HS6ST3: variants seen among roughly 807,000 people sequenced by gnomAD.
HS6ST3 encodes the protein heparan sulfate 6-O-sulfotransferase 3.
Under a neutral mutation model 36.7 loss-of-function variants are expected in HS6ST3, and 12 were observed. That is an observed-to-expected ratio of 0.33 (90% CI 0.21 to 0.53). HS6ST3 has a LOEUF of 0.53. HS6ST3 is among the 20% of genes least tolerant of loss of function. The pLI is 0.95. For missense variants in HS6ST3, 584 were observed against 640.9 expected, an observed-to-expected ratio of 0.91 and a Z score of 0.96; for synonymous variants, 240 against 257.5, an observed-to-expected ratio of 0.93 and a Z score of 0.65.
At chr13:96,832,387 G>A (rs891184018) in intron 1 of HS6ST3, 103 bp from the exon 2 acceptor site, 1 of 786,046 alleles carries the variant, frequency 1.3e-6, no homozygotes, top group Middle Eastern at 3.7e-4. Context: ...ATGAACATTT[G>A]GCAAAGAGTC....
chr13:96,766,917 G>A (rs1022578604), intron 1 of HS6ST3, among the ~76,000 whole-genome samples: 15 of 152,198 alleles, frequency 9.9e-5, no homozygotes, highest in Non-Finnish European at 1.6e-4. Context: ...CATTCTGAGG[G>A]TAGTTTGCTT....
chr13:96,701,927 A>T (rs1875299075), intron 1 of HS6ST3, among the ~76,000 whole-genome samples: 1 of 152,204 alleles, frequency 6.6e-6, no homozygotes, highest in Non-Finnish European at 1.5e-5. Context: ...ATGCCACTGC[A>T]CTGCAGCCTA....
chr13:96,265,034 A>G (rs150195659), intron 1 of HS6ST3, among the ~76,000 whole-genome samples: 6 of 152,300 alleles, frequency 3.9e-5, no homozygotes, highest in African/African-American at 1.4e-4. Context: ...GGGGTCTTAG[A>G]GTCCAACTTA....
At chr13:96,154,649 G>A (rs2139325237) in intron 1 of HS6ST3, among the ~76,000 whole-genome samples, 1 of 152,120 alleles carries the variant, frequency 6.6e-6, no homozygotes, top group East Asian at 1.9e-4. Flanking sequence ...ATGAACAGAT[G>A]ACTCACAAAG....
intron 1 of HS6ST3, among the ~76,000 whole-genome samples, chr13:96,146,677 ACTCTTATGTCAGC>A: frequency 6.6e-6 from 1 of 151,950 alleles, no homozygotes; most frequent in Admixed American, 6.6e-5. Flanking sequence ...GTTTTCTTGG[ACTCTTATGTCAGC>A]CTGTAAGAAA....
chr13:96,206,862 G>C (rs1566287649), intron 1 of HS6ST3, among the ~76,000 whole-genome samples: 1 of 152,052 alleles, frequency 6.6e-6, no homozygotes, highest in Non-Finnish European at 1.5e-5. Context: ...AATCCTAGAA[G>C]AAAATCTAGG....
At chr13:96,275,469 A>G (rs1346110350) in intron 1 of HS6ST3, among the ~76,000 whole-genome samples, 2 of 152,180 alleles carry the variant, frequency 1.3e-5, no homozygotes, top group African/African-American at 2.4e-5. Flanking sequence ...AGCAACCGGC[A>G]GTGCATTTTC....
chr13:96,162,432 A>G (rs972871103), intron 1 of HS6ST3, among the ~76,000 whole-genome samples: 2 of 152,200 alleles, frequency 1.3e-5, no homozygotes, highest in African/African-American at 4.8e-5. Flanking sequence ...GGAAGAAAAA[A>G]ATTTGTGGGC....
intron 1 of HS6ST3, among the ~76,000 whole-genome samples, chr13:96,121,836 A>G (rs2053926882): frequency 6.6e-6 from 1 of 152,146 alleles, no homozygotes; most frequent in African/African-American, 2.4e-5. Flanking sequence ...ACAATATTAC[A>G]TGTTACTCCA....
chr13:96,252,324 C>T (rs1250534731), intron 1 of HS6ST3, among the ~76,000 whole-genome samples: 1 of 152,152 alleles, frequency 6.6e-6, no homozygotes, highest in Non-Finnish European at 1.5e-5. Context: ...GGAGTCATTT[C>T]CTCTAGTCTT....
At position 96,168,708 on chromosome 13, in the gene HS6ST3, T is replaced by A. The variant is rs372981239; in HGVS notation, c.707+77139T>A. Among the ~76,000 whole-genome samples, 405 of 123,810 alleles carry A rather than the reference T, an allele frequency of 3.3e-3. 5 individuals are homozygous for A. The highest frequency in any genetic ancestry group is 0.011 in the African/African-American group (356 of 33,150). 81.2% of individuals were successfully genotyped at this position (123,810 alleles called of 152,430 possible). A position where few individuals can be genotyped will look rare whatever the true frequency, so the allele number is the denominator to read the frequency against. ...GAGTGAGACCAAAAAAAAAAAAAAA[T>A]TACTATTTTAGAATAGAGAGCAGAA... On this transcript the variant is annotated intron_variant, in intron 1 of 1. Coordinates refer to ENST00000376705, the MANE Select transcript of HS6ST3 (RefSeq NM_153456.4).
In HS6ST3 at chr13:96,836,217, C is replaced by T. The variant is rs1447597585; in HGVS notation, c.*3019C>T. The T allele has an allele frequency of 6.6e-6, 1 of 152,174 alleles. No homozygotes were observed. Among genetic ancestry groups the T allele is most frequent in the Non-Finnish European group, 1.5e-5 (1 of 68,040 alleles). The allele number at this position is 152,174 out of a possible 1,614,324, so 9.4% of individuals were successfully genotyped here. On this transcript the variant is annotated 3_prime_UTR_variant, in exon 2 of 2. Transcript: ENST00000376705. ...AAGACAAAAAAGAAAAAAACAATCC[C>T]CAGGGGTTCTATGACCCTATTGACT...
At chr13:96,543,924 C>A (rs540561630) in intron 1 of HS6ST3, among the ~76,000 whole-genome samples, 1 of 150,886 alleles carries the variant, frequency 6.6e-6, no homozygotes, top group Non-Finnish European at 1.5e-5. Flanking sequence ...TGATGTGTTT[C>A]AACCATGGAT....
intron 1 of HS6ST3, among the ~76,000 whole-genome samples, chr13:96,112,478 A>G (rs1000569116): frequency 1.3e-5 from 2 of 150,446 alleles, no homozygotes; most frequent in African/African-American, 4.9e-5. Context: ...CACACCTGTA[A>G]TCCCAGCACT....
chr13:96,696,674 C>T (rs1214371654), intron 1 of HS6ST3, among the ~76,000 whole-genome samples: 1 of 152,124 alleles, frequency 6.6e-6, no homozygotes, highest in African/African-American at 2.4e-5. Flanking sequence ...CATTCTTGCA[C>T]AACAGCACAC....
At chr13:96,551,129 C>G (rs1684520592) in intron 1 of HS6ST3, among the ~76,000 whole-genome samples, 1 of 152,142 alleles carries the variant, frequency 6.6e-6, no homozygotes, top group South Asian at 2.1e-4. Flanking sequence ...TTTGAAGCTT[C>G]CTGAAAACCA....
intron 1 of HS6ST3, among the ~76,000 whole-genome samples, chr13:96,305,538 T>A: frequency 6.6e-6 from 1 of 152,318 alleles, no homozygotes. Flanking sequence ...ATATTCCATA[T>A]AGAATTTCTC....
In HS6ST3 at chr13:96,623,846, G is replaced by T. The variant is rs551239702; in HGVS notation, c.708-208644G>T. ...CTAATGTAGCCAGTGTCACACATTCGCCCATTGCATTACACATACTTTAAT... is the reference window on the plus strand; with the variant it reads ...CTAATGTAGCCAGTGTCACACATTCTCCCATTGCATTACACATACTTTAAT... On this transcript the variant is annotated intron_variant, in intron 1 of 1. Transcript: ENST00000376705. Among the ~76,000 whole-genome samples, 17 of 152,182 alleles carry T rather than the reference G, an allele frequency of 1.1e-4. No homozygotes were observed. In the South Asian group the frequency reaches 3.3e-3, roughly 30 times the overall value.
At chr13:96,386,941 T>C (rs1301349776) in intron 1 of HS6ST3, among the ~76,000 whole-genome samples, 1 of 152,154 alleles carries the variant, frequency 6.6e-6, no homozygotes, top group Non-Finnish European at 1.5e-5. Flanking sequence ...CTCTCTCTTT[T>C]TTTTGGAAAC....
Sources: gnomAD v4.1 joint callset for allele counts (sites outside exome capture counted in the v4.1 genomes callset) on GRCh38, gnomAD v4.1.1 for gene constraint, MANE v1.5 for transcripts, NCBI Gene and HGNC (gene_info 2026-07-23, HGNC 2026-07-21) for gene names.